Variants in ABCC4 observed in about 807,000 individuals in gnomAD.
The protein encoded by ABCC4 is ATP binding cassette subfamily C member 4 (PEL blood group).
In ABCC4, 102 loss-of-function variants were observed where a neutral mutation model predicts 168.5. The observed-to-expected ratio is 0.61, with a 90% CI of 0.52 to 0.71. The LOEUF is 0.71. ABCC4 is among the 30% of genes least tolerant of loss of function. The pLI, the probability that ABCC4 is intolerant of heterozygous loss-of-function variation, is 0.00. For missense variants in ABCC4, 1,402 were observed against 1,605.8 expected (o/e 0.87, Z 2.17); for synonymous variants, 617 against 590.7 (o/e 1.04, Z -0.65).
chr13:95,117,863 G>C (rs552418569), intron 19 of ABCC4, among the ~76,000 whole-genome samples: 1 of 151,560 alleles, frequency 6.6e-6, no homozygotes, highest in South Asian at 2.1e-4. Context: ...AGCATTGCTT[G>C]AGCTCAAGAG....
At chr13:95,061,492 A>G (rs957935353) in intron 26 of ABCC4, among the ~76,000 whole-genome samples, 1 of 152,060 alleles carries the variant, frequency 6.6e-6, no homozygotes, top group Non-Finnish European at 1.5e-5. Context: ...CCTACTAAAC[A>G]GGCATTGAAG....
intron 19 of ABCC4, among the ~76,000 whole-genome samples, chr13:95,126,005 T>C (rs1016463974): frequency 6.6e-6 from 1 of 152,164 alleles, no homozygotes; most frequent in Non-Finnish European, 1.5e-5. Context: ...GTGTTTTCGC[T>C]TGGAAATGCA....
intron 6 of ABCC4, among the ~76,000 whole-genome samples, chr13:95,208,329 G>C (rs1198421736): frequency 1.6e-4 from 14 of 89,560 alleles, no homozygotes; most frequent in Admixed American, 1.4e-3. Flanking sequence ...CCGGGAAAGA[G>C]GAGAGCAAAA....
chr13:95,166,489 C>T, intron 14 of ABCC4, 122 bp from the exon 15 acceptor site: 2 of 806,574 alleles, frequency 2.5e-6, no homozygotes, highest in Non-Finnish European at 3.9e-6. Context: ...GTCCGGAATC[C>T]TAGTTGACAA....
intron 20 of ABCC4, among the ~76,000 whole-genome samples, chr13:95,105,772 G>A (rs2034981911): frequency 6.6e-6 from 1 of 152,166 alleles, no homozygotes; most frequent in South Asian, 2.1e-4. Context: ...AGCTTGGAAT[G>A]GAGTGATCTG....
chr13:95,063,111 C>T lies in ABCC4; in HGVS notation c.3211-252G>A, dbSNP rs1049006396. ...CCCTACTGCATAGATACCAGGAGCACACTCCCAAAATGATACCACCAAAAA... is the reference window on the plus strand; with the variant it reads ...CCCTACTGCATAGATACCAGGAGCATACTCCCAAAATGATACCACCAAAAA... On this transcript the variant is annotated intron_variant, in intron 25 of 30. Coordinates refer to ENST00000645237, the MANE Select transcript of ABCC4 (RefSeq NM_005845.5). Among the ~76,000 whole-genome samples, 3 of 152,130 alleles carry T rather than the reference C, an allele frequency of 2.0e-5. No individual in the cohort carries two copies. In the East Asian group the frequency reaches 5.8e-4, roughly 29 times the overall value.
At chr13:95,278,666 G>A (rs918276291) in intron 1 of ABCC4, among the ~76,000 whole-genome samples, 4 of 152,094 alleles carry the variant, frequency 2.6e-5, no homozygotes, top group African/African-American at 4.8e-5. Context: ...GCATGGTGGT[G>A]CATGCCTATA....
rs9741834 is a variant in ABCC4, at chr13:95,151,563, A to G, written c.2455+9626T>C. 8.2e-5 allele frequency among the ~76,000 whole-genome samples: 11 copies of G among 134,592 alleles called. No homozygotes were observed. The South Asian group carries it at 1.9e-3, about 24-fold the overall frequency. The allele number at this position is 134,592 out of a possible 152,430, so 88.3% of individuals were successfully genotyped here. A position where few individuals can be genotyped will look rare whatever the true frequency, so the allele number is the denominator to read the frequency against. On this transcript the variant is annotated intron_variant, in intron 19 of 30. Transcript: ENST00000645237. ...AAGAAGGAAGGAGGAGGAGGAGGAGAAGGAGAAGAAGGAGGAGGAGAAGGA... is the reference window on the plus strand; with the variant it reads ...AAGAAGGAAGGAGGAGGAGGAGGAGGAGGAGAAGAAGGAGGAGGAGAAGGA...
In ABCC4 at chr13:95,301,394, G is replaced by T; in HGVS notation, c.-80C>A. The T allele has an allele frequency of 7.7e-7, 1 of 1,296,322 alleles. No individual in the cohort carries two copies. The highest frequency in any genetic ancestry group is 1.0e-6 in the Non-Finnish European group (1 of 954,494). The allele number at this position is 1,296,322 out of a possible 1,614,324, so 80.3% of individuals were successfully genotyped here. A position where few individuals can be genotyped will look rare whatever the true frequency, so the allele number is the denominator to read the frequency against. On this transcript the variant is annotated 5_prime_UTR_variant, in exon 1 of 31. Coordinates refer to ENST00000645237, the MANE Select transcript of ABCC4 (RefSeq NM_005845.5). ...CGCGGGCTCCGCTCCTGGACCTCAA[G>T]CAGGGATGCTGGGGCTCCGGCCGCC...
intron 19 of ABCC4, among the ~76,000 whole-genome samples, chr13:95,126,755 T>TG (rs2035786205): frequency 2.4e-5 from 1 of 42,466 alleles, no homozygotes; most frequent in Non-Finnish European, 5.4e-5. Flanking sequence ...ATATATATAT[T>TG]CCAAAATATA....
chr13:95,262,207 G>A (rs888853539), intron 1 of ABCC4, among the ~76,000 whole-genome samples: 17 of 152,346 alleles, frequency 1.1e-4, no homozygotes, highest in Middle Eastern at 3.4e-3. Flanking sequence ...GATGGCCCAC[G>A]TGGCTGGGGC....
At chr13:95,240,405 C>T (rs2039903793) in intron 3 of ABCC4, among the ~76,000 whole-genome samples, 1 of 151,764 alleles carries the variant, frequency 6.6e-6, no homozygotes, top group African/African-American at 2.4e-5. Context: ...GTGGCAGATG[C>T]CTATAATCCC....
chr13:95,064,577 T>A (rs1021927905), intron 25 of ABCC4, among the ~76,000 whole-genome samples: 1 of 151,706 alleles, frequency 6.6e-6, no homozygotes, highest in Non-Finnish European at 1.5e-5. Flanking sequence ...TATCTAGACA[T>A]AGACAAATGC....
intron 19 of ABCC4, among the ~76,000 whole-genome samples, chr13:95,119,512 C>T (rs2035490939): frequency 6.6e-6 from 1 of 152,086 alleles, no homozygotes; most frequent in Admixed American, 6.6e-5. Context: ...TAACTTTTTT[C>T]CACAACATAG....
intron 25 of ABCC4, among the ~76,000 whole-genome samples, chr13:95,067,458 C>T (rs2033587591): frequency 6.6e-6 from 1 of 152,140 alleles, no homozygotes; most frequent in Non-Finnish European, 1.5e-5. Context: ...TTGGAAATCA[C>T]AGATTATTAG....
At chr13:95,049,616 G>A (rs1162588126) in intron 27 of ABCC4, among the ~76,000 whole-genome samples, 5 of 151,552 alleles carry the variant, frequency 3.3e-5, no homozygotes. Context: ...ATTCCAACCT[G>A]GATGACAGAG....
chr13:95,088,241 GAAGTCCGTCTATATGCTACCTTAAAA>G (rs1310242576), intron 20 of ABCC4, among the ~76,000 whole-genome samples: 22 of 152,144 alleles, frequency 1.4e-4, no homozygotes, highest in African/African-American at 5.3e-4. Flanking sequence ...ATTCAAGGCT[GAAGTCCGTCTATATGCTACCTTAAAA>G]ATACACATCT....
chr13:95,233,267 T>C (rs2039674198), intron 4 of ABCC4, among the ~76,000 whole-genome samples: 1 of 151,126 alleles, frequency 6.6e-6, no homozygotes, highest in Admixed American at 6.6e-5. Flanking sequence ...TTACATTGTA[T>C]TAGGTATTAT....
At chr13:95,103,494 G>A (rs1372047766) in intron 20 of ABCC4, among the ~76,000 whole-genome samples, 4 of 152,142 alleles carry the variant, frequency 2.6e-5, no homozygotes, top group Non-Finnish European at 5.9e-5. Flanking sequence ...TTTAACAGTT[G>A]ATCTAGTAAA....
Sources: gnomAD v4.1 joint callset for allele counts (sites outside exome capture counted in the v4.1 genomes callset) on GRCh38, gnomAD v4.1.1 for gene constraint, MANE v1.5 for transcripts, NCBI Gene and HGNC (gene_info 2026-07-23, HGNC 2026-07-21) for gene names.